POLD1: variants seen among roughly 807,000 people sequenced by gnomAD.
POLD1 encodes DNA polymerase delta catalytic subunit.
Under a neutral mutation model 129.7 loss-of-function variants are expected in POLD1, and 79 were observed. The ratio of observed to expected loss-of-function variants is 0.61; its 90% CI spans 0.51 to 0.73. The LOEUF (loss-of-function observed/expected upper bound fraction) is 0.73. Among genes scored for constraint, POLD1 ranks in the 30% least tolerant of loss-of-function variants. The pLI, the probability that POLD1 is intolerant of heterozygous loss-of-function variation, is 0.00. For synonymous variants in POLD1, 714 were observed against 683.3 expected (o/e 1.04, Z -0.70); for missense variants, 1,338 against 1,595.8 (o/e 0.84, Z 2.75).
At position 50,402,754 on chromosome 19, in the gene POLD1, G is replaced by T. The variant is rs2122261761; in HGVS notation, c.970+13G>T. On this transcript the variant is annotated intron_variant, in intron 8 of 26. Transcript: ENST00000440232. ...GCCGGCCGCAAAGGTCTGTCCCCGGGCCCGGGCTCCTGCCCGCCTCATTGA... is the reference window on the plus strand; with the variant it reads ...GCCGGCCGCAAAGGTCTGTCCCCGGTCCCGGGCTCCTGCCCGCCTCATTGA... The T allele has an allele frequency of 1.9e-6, 3 of 1,576,794 alleles. No homozygotes were observed. Among genetic ancestry groups the T allele is most frequent in the East Asian group, 2.3e-5 (1 of 44,170 alleles).
chr19:50,395,670 G>T (rs1411376278), intron 1 of POLD1, among the ~76,000 whole-genome samples: 1 of 151,440 alleles, frequency 6.6e-6, no homozygotes, highest in Non-Finnish European at 1.5e-5. Context: ...TTTATGATTT[G>T]CATGGATGTT....
rs2038482013 is a variant in POLD1 at position 50,399,030 on chromosome 19, C to T, written c.179C>T (p.Ser60Leu). 6.4e-7 allele frequency: 1 copy of T among 1,556,440 alleles called. No individual in the cohort carries two copies. The highest frequency in any genetic ancestry group is 8.7e-7 in the Non-Finnish European group (1 of 1,149,800). Residue 60 changes from serine to leucine, a missense_variant, in exon 2 of 27, where the codon TCA (serine) becomes TTA (leucine). Coordinates refer to ENST00000440232, the MANE Select transcript of POLD1 (RefSeq NM_002691.4). Reference sequence around the variant, plus strand: ...GAGCAGGAGGAGGAGGAGCTGCAGTCAGTCCTGGAGGGGGTTGCAGACGGT... The same window carrying T: ...GAGCAGGAGGAGGAGGAGCTGCAGTTAGTCCTGGAGGGGGTTGCAGACGGT... The part of the protein sequence containing the change: ...LQEQEEEELQ[S>L]VLEGVADGQV...
At chr19:50,413,006 G>T (rs2039140118) in intron 17 of POLD1, among the ~76,000 whole-genome samples, 1 of 152,082 alleles carries the variant, frequency 6.6e-6, no homozygotes, top group Admixed American at 6.6e-5. Flanking sequence ...TCAATGTGTA[G>T]GTAGGGCCAG....
Position 50,414,986 on chromosome 19 carries a change from G to C in POLD1, c.2560G>C (p.Asp854His), listed in dbSNP as rs373650022. 4.4e-6 allele frequency: 7 copies of C among 1,575,788 alleles called. No individual in the cohort carries two copies. The highest frequency in any genetic ancestry group is 1.1e-5 in the South Asian group (1 of 87,144). ...VTASLRRLLI[D>H]RDPEGAVAHA... ...TGCCTCACTGCGCCGCCTGCTCATC[G>C]ACCGGTGTGTGGGGCCTCCTCCCTC... is the stretch of plus-strand genomic sequence containing the variant. Residue 854 changes from aspartate (D) to histidine (H), a missense_variant, in exon 20 of 27, where the codon GAC becomes CAC. Coordinates refer to ENST00000440232, the MANE Select transcript of POLD1 (RefSeq NM_002691.4).
In POLD1 at chr19:50,408,887, T is replaced by C. The variant is rs1361684620; in HGVS notation, c.1878T>C (p.Thr626=). ...ACACCACGCTCCTTCGGCCCGGGAC[T>C]GCACAGAAACTGGGGTATAGTGCCC... The part of the protein sequence containing the change: ...LCYTTLLRPG[T]AQKLGLTEDQ... The change falls in exon 15 of 27, where the codon ACT becomes ACC. Residue 626 remains threonine (T), a synonymous_variant. Coordinates refer to ENST00000440232, the MANE Select transcript of POLD1 (RefSeq NM_002691.4). 1 of 1,611,524 alleles carries C rather than the reference T, an allele frequency of 6.2e-7. No individual in the cohort carries two copies. The highest frequency in any genetic ancestry group is 1.3e-5 in the African/African-American group (1 of 74,850).
intron 1 of POLD1, among the ~76,000 whole-genome samples, chr19:50,398,570 CAAAAAAAAAAAAAA>C (rs35689550): frequency 1.6e-5 from 1 of 64,220 alleles, no homozygotes; most frequent in Non-Finnish European, 2.6e-5. Flanking sequence ...AATTCCATCT[CAAAAAAAAAAAAAA>C]AAAAAAAAGC....
chr19:50,403,273 C>G (rs1031140679), intron 9 of POLD1, 54 bp downstream of exon 9: 67 of 1,478,168 alleles, frequency 4.5e-5, no homozygotes, highest in Non-Finnish European at 5.4e-5. Context: ...CCAGCCTCCG[C>G]GTCCTGAGCC....
Position 50,402,039 on chromosome 19 carries a change from G to A in POLD1, c.504G>A (p.Leu168=), listed in dbSNP as rs1404575182. The A allele has an allele frequency of 1.9e-6, 3 of 1,614,000 alleles. No individual in the cohort carries two copies. The highest frequency in any genetic ancestry group is 2.2e-5 in the East Asian group (1 of 44,872). The change falls in exon 5 of 27, where the codon CTG becomes CTA. Residue 168 remains leucine, a synonymous_variant. Transcript: ENST00000440232. ...PEHMGDLQRE[L]NLAISRDSRG... is the part of the protein sequence containing the mutation. ...ACATGGGTGACCTGCAACGGGAGCT[G>A]AACTTGGCCATCAGCCGGGACAGTC...
chr19:50,392,299 T>C (rs1343405821), intron 1 of POLD1, among the ~76,000 whole-genome samples: 1 of 152,010 alleles, frequency 6.6e-6, no homozygotes, highest in Non-Finnish European at 1.5e-5. Context: ...AGTCTCACCA[T>C]GTTGCCTAGG....
rs1164845915 is a variant in POLD1, at chr19:50,416,686, C to T, written c.3030C>T (p.Asn1010=). 1.9e-6 allele frequency: 3 copies of T among 1,551,014 alleles called. No homozygotes were observed. Among genetic ancestry groups the T allele is most frequent in the African/African-American group, 1.4e-5 (1 of 73,428 alleles). ...GGLLAFAKRR[N]CCIGCRTVLS... is the part of the protein sequence containing the mutation. ...TCCTGGCCTTCGCCAAACGCCGCAA[C>T]TGCTGCATTGGCTGCCGCACAGTGC... Residue 1010 remains asparagine, a synonymous_variant, in exon 24 of 27, where the codon AAC becomes AAT. Transcript: ENST00000440232.
rs1200175776 is a variant in POLD1, at chr19:50,401,939, C to A, written c.463+15C>A. 6.2e-7 allele frequency: 1 copy of A among 1,614,002 alleles called. No homozygotes were observed. The highest frequency in any genetic ancestry group is 1.7e-5 in the Admixed American group (1 of 60,028). ...AGCGCCCCCTGGTGAGTGGCCCCTA[C>A]CCAGCCCCTCCCTGAGCCACTGGAG... On this transcript the variant is annotated intron_variant, in intron 4 of 26. Transcript: ENST00000440232.
intron 1 of POLD1, among the ~76,000 whole-genome samples, chr19:50,389,412 G>T (rs958546455): frequency 6.6e-6 from 1 of 151,030 alleles, no homozygotes; most frequent in Non-Finnish European, 1.5e-5. Flanking sequence ...GTGAGCCACC[G>T]TACCTGGCCT....
intron 1 of POLD1, among the ~76,000 whole-genome samples, chr19:50,396,139 T>G (rs2085291427): frequency 6.6e-6 from 1 of 150,560 alleles, no homozygotes; most frequent in African/African-American, 2.4e-5. Context: ...CAGGCTAAAG[T>G]GCAGTGGCGC....
chr19:50,413,673 AC>A, intron 18 of POLD1, 68 bp from the exon 19 acceptor site: 2 of 1,552,696 alleles, frequency 1.3e-6, no homozygotes, highest in Non-Finnish European at 8.7e-7. Flanking sequence ...GCCACCTGCC[AC>A]CCCCCGACAC....
chr19:50,385,448 G>A (rs948848548), intron 1 of POLD1, among the ~76,000 whole-genome samples: 2 of 152,080 alleles, frequency 1.3e-5, no homozygotes, highest in East Asian at 3.9e-4. Flanking sequence ...GGTTTAGAGC[G>A]GAGCCAGGAG....
chr19:50,400,593 C>T (rs2038561982), intron 3 of POLD1, among the ~76,000 whole-genome samples: 1 of 135,640 alleles, frequency 7.4e-6, no homozygotes, highest in Non-Finnish European at 1.5e-5. Context: ...AGAGCAGTGG[C>T]ACAATCATGG....
In POLD1 at chr19:50,399,532, G is replaced by A. The variant is rs754066288; in HGVS notation, c.316+48G>A. ...AGTGCTGGGGCCCTGCGCTCCTGGG[G>A]CAGAGGCCGGGCCAGGTCAGCCCCT... On this transcript the variant is annotated intron_variant, in intron 3 of 26. Coordinates refer to ENST00000440232, the MANE Select transcript of POLD1 (RefSeq NM_002691.4). The A allele has an allele frequency of 5.7e-6, 8 of 1,414,670 alleles. No homozygotes were observed. Among genetic ancestry groups the A allele is most frequent in the Non-Finnish European group, 7.0e-6 (7 of 1,000,700 alleles). The allele number at this position is 1,414,670 out of a possible 1,614,324, so 87.6% of individuals were successfully genotyped here.
At chr19:50,401,391 A>ATTTTTTTTT (rs1203165864) in intron 3 of POLD1, among the ~76,000 whole-genome samples, 5 of 65,990 alleles carry the variant, frequency 7.6e-5, no homozygotes, top group East Asian at 9.6e-4. Flanking sequence ...ATATATATAT[A>ATTTTTTTTT]TTTTTTTTTT....
intron 26 of POLD1, among the ~76,000 whole-genome samples, 164 bp downstream of exon 26, chr19:50,417,433 A>G: frequency 6.6e-6 from 1 of 152,084 alleles, no homozygotes; most frequent in East Asian, 1.9e-4. Flanking sequence ...TGTCTGAAAA[A>G]TGGGCCCATC....
Sources: gnomAD v4.1 joint callset for allele counts (sites outside exome capture counted in the v4.1 genomes callset) on GRCh38, gnomAD v4.1.1 for gene constraint, MANE v1.5 for transcripts, NCBI Gene and HGNC (gene_info 2026-07-23, HGNC 2026-07-21) for gene names.